Variants in RIC1 observed in about 807,000 individuals in gnomAD.
RIC1 encodes guanine nucleotide exchange factor subunit RIC1.
A neutral mutation model predicts 169.0 loss-of-function variants in RIC1; 88 were observed. That is an observed-to-expected ratio of 0.52 (90% confidence interval 0.44 to 0.62). The LOEUF (loss-of-function observed/expected upper bound fraction) is 0.62. Among genes scored for constraint, RIC1 ranks in the 20% least tolerant of loss-of-function variants. The pLI, the probability that RIC1 is intolerant of heterozygous loss-of-function variation, is 0.00. For missense variants in RIC1, 1,877 were observed against 1,725.5 expected (o/e 1.09, Z -1.56); for synonymous variants, 790 against 601.5 (o/e 1.31, Z -4.59).
intron 1 of RIC1, among the ~76,000 whole-genome samples, chr9:5,653,824 T>G (rs1410509080): frequency 6.6e-6 from 1 of 151,930 alleles, no homozygotes; most frequent in African/African-American, 2.4e-5. Flanking sequence ...TCTCAAACTT[T>G]TGACCTGGTG....
At chr9:5,689,289 G>C (rs528578459) in intron 2 of RIC1, among the ~76,000 whole-genome samples, 2 of 151,946 alleles carry the variant, frequency 1.3e-5, no homozygotes, top group African/African-American at 2.4e-5. Context: ...CTGACCTCGT[G>C]ATCTGCCCGC....
At chr9:5,735,237 C>G (rs1263092397) in intron 7 of RIC1, among the ~76,000 whole-genome samples, 1 of 151,784 alleles carries the variant, frequency 6.6e-6, no homozygotes, top group Non-Finnish European at 1.5e-5. Flanking sequence ...TATCTGACAC[C>G]TGTCGTGACT....
Position 5,742,923 on chromosome 9 carries a change from G to C in RIC1, c.956G>C (p.Ser319Thr). The C allele has an allele frequency of 6.2e-7, 1 of 1,613,288 alleles. No homozygotes were observed. The highest frequency in any genetic ancestry group is 8.5e-7 in the Non-Finnish European group (1 of 1,179,470). Residue 319 changes from serine to threonine, a missense_variant, in exon 9 of 26, where the codon AGT becomes ACT. Around this residue, in one of 3 missense-constraint regions of RIC1, gnomAD observed 1,104 missense variants for 992.0 expected, o/e 1.11. Coordinates refer to ENST00000414202, the MANE Select transcript of RIC1 (RefSeq NM_020829.4). ...TTGATGAGATGGTCTCCTGACAATA[G>C]TGTTGTAATAGTGACCTGGGAATAC... ...VKLMRWSPDN[S>T]VVIVTWEYGG...
intron 1 of RIC1, among the ~76,000 whole-genome samples, chr9:5,651,852 G>T (rs897597368): frequency 3.3e-5 from 5 of 152,128 alleles, no homozygotes; most frequent in African/African-American, 7.2e-5. Flanking sequence ...ACAGGCATGA[G>T]CCACCGCACC....
intron 6 of RIC1, among the ~76,000 whole-genome samples, chr9:5,726,960 G>T (rs951755222): frequency 1.3e-5 from 2 of 152,152 alleles, no homozygotes; most frequent in Non-Finnish European, 2.9e-5. Context: ...TGGGTAACCC[G>T]ACCTTTCTCT....
chr9:5,760,323 A>G (rs144209614), intron 17 of RIC1, among the ~76,000 whole-genome samples: 3 of 152,314 alleles, frequency 2.0e-5, no homozygotes, highest in Non-Finnish European at 2.9e-5. Context: ...GTTGCTTGAG[A>G]GTGCTGTTGC....
chr9:5,720,800 A>T, intron 6 of RIC1, 50 bp downstream of exon 6: 1 of 1,408,464 alleles, frequency 7.1e-7, no homozygotes, highest in Non-Finnish European at 9.5e-7. Context: ...TACTTATTTT[A>T]TTCTTTGTTA....
In RIC1 at chr9:5,629,160, C is replaced by A. The variant is rs1005805170; in HGVS notation, c.-150C>A. The A allele has an allele frequency of 1.4e-6, 1 of 714,950 alleles. No homozygotes were observed. The highest frequency in any genetic ancestry group is 1.9e-6 in the Non-Finnish European group (1 of 516,338). 44.3% of individuals were successfully genotyped at this position (714,950 alleles called of 1,614,324 possible). A position where few individuals can be genotyped will look rare whatever the true frequency, so the allele number is the denominator to read the frequency against. On this transcript the variant is annotated 5_prime_UTR_variant, in exon 1 of 26. Coordinates refer to ENST00000414202, the MANE Select transcript of RIC1 (RefSeq NM_020829.4). ...CTTCGTCGCGCAGCCTTGCGTCGGC[C>A]CGGCCCGGCCAGGCCAGCGGGCAGA...
intron 3 of RIC1, among the ~76,000 whole-genome samples, chr9:5,710,862 C>G (rs1435397093): frequency 6.6e-6 from 1 of 151,982 alleles, no homozygotes; most frequent in Admixed American, 6.6e-5. Flanking sequence ...AGTTGAGGAA[C>G]TTTCCCTGGA....
chr9:5,661,387 T>G (rs1041647101), intron 2 of RIC1, among the ~76,000 whole-genome samples: 1 of 152,224 alleles, frequency 6.6e-6, no homozygotes, highest in Non-Finnish European at 1.5e-5. Context: ...AGTGGTAGTT[T>G]AATGGGGATA....
intron 14 of RIC1, among the ~76,000 whole-genome samples, chr9:5,753,981 C>T (rs1825861625): frequency 6.6e-6 from 1 of 152,038 alleles, no homozygotes; most frequent in Non-Finnish European, 1.5e-5. Flanking sequence ...GAGATCATTC[C>T]ATGCCTATTC....
chr9:5,666,415 C>T (rs1430330268), intron 2 of RIC1, among the ~76,000 whole-genome samples: 1 of 152,034 alleles, frequency 6.6e-6, no homozygotes, highest in Non-Finnish European at 1.5e-5. Context: ...GTGGAACTTT[C>T]AATACTATGT....
At chr9:5,739,458 C>G (rs189566616) in intron 8 of RIC1, among the ~76,000 whole-genome samples, 7 of 152,268 alleles carry the variant, frequency 4.6e-5, no homozygotes, top group Non-Finnish European at 8.8e-5. Flanking sequence ...CTCCAGATTT[C>G]TATTTATGTA....
intron 6 of RIC1, among the ~76,000 whole-genome samples, chr9:5,731,897 A>T (rs912292631): frequency 6.6e-6 from 1 of 152,200 alleles, no homozygotes; most frequent in South Asian, 2.1e-4. Flanking sequence ...GCTATTAACC[A>T]TTACACTATA....
At position 5,720,766 on chromosome 9, in the gene RIC1, T is replaced by C. The variant is rs776702238; in HGVS notation, c.720+16T>C. 2.8e-5 allele frequency: 44 copies of C among 1,570,298 alleles called. No individual in the cohort carries two copies. Among genetic ancestry groups the C allele is most frequent in the Middle Eastern group, 3.4e-4 (2 of 5,896 alleles). ...TACTGCAGAGGTATGACTTATTTACTTTGAAGGGTTTTTTGTTATTGTGTA... is the reference window on the plus strand; with the variant it reads ...TACTGCAGAGGTATGACTTATTTACCTTGAAGGGTTTTTTGTTATTGTGTA... On this transcript the variant is annotated intron_variant, in intron 6 of 25. Coordinates refer to ENST00000414202, the MANE Select transcript of RIC1 (RefSeq NM_020829.4).
chr9:5,695,741 TTG>T (rs1045105338), intron 3 of RIC1, among the ~76,000 whole-genome samples: 1 of 152,014 alleles, frequency 6.6e-6, no homozygotes, highest in African/African-American at 2.4e-5. Context: ...TAGCTAATTT[TTG>T]TATTTTTAGT....
At chr9:5,754,973 A>G (rs761643582) in intron 15 of RIC1, 43 bp downstream of exon 15, 1 of 1,244,570 alleles carries the variant, frequency 8.0e-7, no homozygotes, top group Non-Finnish European at 1.1e-6. Context: ...TATATTTTAA[A>G]GCTATTAAGC....
chr9:5,639,955 A>G (rs1260817003), intron 1 of RIC1, among the ~76,000 whole-genome samples: 1 of 152,106 alleles, frequency 6.6e-6, no homozygotes, highest in African/African-American at 2.4e-5. Context: ...CAGTCTATGC[A>G]TACCTTTGTA....
chr9:5,778,279 C>T (rs933917330), downstream of RIC1, among the ~76,000 whole-genome samples: 3 of 152,096 alleles, frequency 2.0e-5, no homozygotes, highest in Non-Finnish European at 4.4e-5. Flanking sequence ...CAACATCAAA[C>T]TTTTTCTTTT....
Sources: gnomAD v4.1 joint callset for allele counts (sites outside exome capture counted in the v4.1 genomes callset) on GRCh38, gnomAD v4.1.1 for gene constraint, gnomAD v4.1.1 regional missense constraint, MANE v1.5 for transcripts, NCBI Gene and HGNC (gene_info 2026-07-23, HGNC 2026-07-21) for gene names.